The following FYB1 variants were observed in gnomAD, a reference collection of about 807,000 sequenced individuals.
FYB1 encodes the protein FYN binding protein 1.
Under a neutral mutation model 94.1 loss-of-function variants are expected in FYB1, and 41 were observed. That is an observed-to-expected ratio of 0.44 (90% CI 0.34 to 0.57). The LOEUF (loss-of-function observed/expected upper bound fraction) is 0.57, where lower values mean the gene tolerates loss of function less well. Ranked by LOEUF, FYB1 falls within the 20% of genes least tolerant of loss-of-function variation. FYB1 has a pLI of 0.02. For missense variants in FYB1, 1,050 were observed against 976.8 expected (o/e 1.07, Z -1.00); for synonymous variants, 367 against 353.2 (o/e 1.04, Z -0.44).
rs564458164 is a variant in FYB1 at position 39,244,978 on chromosome 5, G to A, written c.-28+29425C>T. 7.2e-5 allele frequency among the ~76,000 whole-genome samples: 11 copies of A among 152,234 alleles called. No individual in the cohort carries two copies. In the East Asian group the frequency reaches 2.1e-3, roughly 29 times the overall value. Reference sequence around the variant, plus strand: ...GGTAGTTTGTATTTCTGTGGGATCGGTGGTGATATCCCCTTTATCATTTTT... The same window carrying A: ...GGTAGTTTGTATTTCTGTGGGATCGATGGTGATATCCCCTTTATCATTTTT... On this transcript the variant is annotated intron_variant, in intron 1 of 1. Transcript: ENST00000510188.
rs1163987076 is a variant in FYB1, at chr5:39,107,453, T to C, written c.2480A>G (p.Asp827Gly). 2 of 1,527,014 alleles carry C rather than the reference T, an allele frequency of 1.3e-6. No individual in the cohort carries two copies. Among genetic ancestry groups the C allele is most frequent in the African/African-American group, 1.4e-5 (1 of 72,304 alleles). 94.6% of individuals were successfully genotyped at this position (1,527,014 alleles called of 1,614,324 possible). A position where few individuals can be genotyped will look rare whatever the true frequency, so the allele number is the denominator to read the frequency against. Residue 827 changes from aspartate (D) to glycine (G), a missense_variant, in exon 19 of 19, where the codon GAC (aspartate) becomes GGC (glycine). By Grantham distance (94) the Asp-to-Gly change is moderately conservative. Transcript: ENST00000512982. ...YDDIADGCIY[D>G]ND ...GACCAAAGTTGAGTGCTAGTCATTG[T>C]CATAGATGCAGCCTGAAAGGAAAAA... is the stretch of plus-strand genomic sequence containing the variant.
At chr5:39,170,412 C>G (rs1184491843) in intron 2 of FYB1, 1 of 508,418 alleles carries the variant, frequency 2.0e-6, no homozygotes, top group Admixed American at 3.4e-5. Context: ...CGTCCTGGGC[C>G]GGACCCCCTC....
chr5:39,110,266 T>C, intron 17 of FYB1, 90 bp downstream of exon 17: 1 of 716,468 alleles, frequency 1.4e-6, no homozygotes, highest in Non-Finnish European at 2.3e-6. Flanking sequence ...GTTGAGTAGG[T>C]TACATTATTT....
chr5:39,218,501 C>T (rs929621983), intron 1 of FYB1, among the ~76,000 whole-genome samples: 1 of 152,116 alleles, frequency 6.6e-6, no homozygotes, highest in Admixed American at 6.5e-5. Context: ...CTGTTTCCCA[C>T]GCAGAATTAT....
Position 39,202,177 on chromosome 5 carries a change from C to G in FYB1, c.784G>C (p.Val262Leu). The G allele has an allele frequency of 6.2e-7, 1 of 1,614,038 alleles. No individual in the cohort carries two copies. The highest frequency in any genetic ancestry group is 1.7e-5 in the Admixed American group (1 of 60,028). ...CTGCTCGCAGCAGGTTTCAAAACCA[C>G]TCCAGGAAAGGGCAAACTTGAAATC... ...GEISSLPFPG[V>L]VLKPAASRGG... The change falls in exon 2 of 19, where the codon GTG (valine) becomes CTG (leucine). Residue 262 changes from valine to leucine, a missense_variant. Transcript: ENST00000512982.
chr5:39,131,057 T>C (rs1321189328), intron 9 of FYB1, among the ~76,000 whole-genome samples: 2 of 152,196 alleles, frequency 1.3e-5, no homozygotes, highest in Non-Finnish European at 2.9e-5. Context: ...CCTAGTCTAA[T>C]AGCAGTCATT....
chr5:39,191,404 T>C (rs1231727152), intron 2 of FYB1, among the ~76,000 whole-genome samples: 1 of 152,210 alleles, frequency 6.6e-6, no homozygotes, highest in Non-Finnish European at 1.5e-5. Context: ...TGGACTGTTA[T>C]AATAAATACA....
rs748990871 is a variant in FYB1, at chr5:39,202,651, C to T, written c.310G>A (p.Glu104Lys). 249 of 1,613,634 alleles carry T rather than the reference C, an allele frequency of 1.5e-4. No homozygotes were observed. Among genetic ancestry groups the T allele is most frequent in the Non-Finnish European group, 2.1e-4 (242 of 1,179,860 alleles). The change falls in exon 2 of 19, where the codon GAG (glutamate) becomes AAG (lysine). Residue 104 changes from glutamate to lysine, a missense_variant. By Grantham distance (56) the Glu-to-Lys change is moderately conservative. Coordinates refer to ENST00000512982, the MANE Select transcript of FYB1 (RefSeq NM_001465.6). ...GGTTTCAGAAATCCCACTTTCGCCT[C>T]GGGGTCTCTGGTGGTCAAGCTGGCT... ...TPASLTTRDP[E>K]AKVGFLKPVG...
intron 1 of FYB1, among the ~76,000 whole-genome samples, chr5:39,264,917 A>C (rs961445551): frequency 2.0e-5 from 3 of 152,318 alleles, no homozygotes; most frequent in Middle Eastern, 3.4e-3. Context: ...TTCAGAGCTC[A>C]GTGCAAGGTA....
chr5:39,137,993 T>C (rs1269616245), intron 6 of FYB1: 3 of 429,158 alleles, frequency 7.0e-6, no homozygotes, highest in African/African-American at 4.1e-5. Flanking sequence ...CCATTCTTGC[T>C]GTATGTTCGC....
intron 2 of FYB1, among the ~76,000 whole-genome samples, chr5:39,168,612 A>T (rs1355237332): frequency 6.6e-6 from 1 of 152,182 alleles, no homozygotes; most frequent in Non-Finnish European, 1.5e-5. Flanking sequence ...TCTAACTATA[A>T]TATCAAACAA....
At chr5:39,113,794 A>T (rs1042407314) in intron 16 of FYB1, among the ~76,000 whole-genome samples, 1 of 152,146 alleles carries the variant, frequency 6.6e-6, no homozygotes, top group African/African-American at 2.4e-5. Context: ...CATATTGCAT[A>T]GATTTACCTA....
chr5:39,198,085 C>T lies in FYB1; in HGVS notation c.1135+3741G>A, dbSNP rs73091048. Among the ~76,000 whole-genome samples, 1,136 of 152,186 alleles carry T rather than the reference C, an allele frequency of 7.5e-3. 13 individuals carry two copies. The highest frequency in any genetic ancestry group is 0.025 in the African/African-American group (1,056 of 41,522). ...AAAAGTAATAAAATTATAGACAATG[C>T]TCACTTATTTTGATACTATTATATG... On this transcript the variant is annotated intron_variant, in intron 2 of 18. Transcript: ENST00000512982.
chr5:39,118,969 C>T lies in FYB1; in HGVS notation c.2306G>A (p.Gly769Glu). ...AGGTTTTACCTGTAGATCTCTGGTT[C>T]CCCACTTTTTAGAAGTTATGGAAGT... ...VTTSITSKKW[G>E]TRDLQVKPGE... Residue 769 changes from glycine (G) to glutamate (E), a missense_variant, in exon 16 of 19, where the codon GGA becomes GAA. Transcript: ENST00000512982. 6.4e-7 allele frequency: 1 copy of T among 1,565,244 alleles called. No homozygotes were observed.
At chr5:39,188,672 C>A (rs1282280108) in intron 2 of FYB1, among the ~76,000 whole-genome samples, 2 of 151,140 alleles carry the variant, frequency 1.3e-5, no homozygotes, top group Admixed American at 6.6e-5. Context: ...GCTGGGGTTA[C>A]AGGCGCCTGC....
intron 1 of FYB1, among the ~76,000 whole-genome samples, chr5:39,267,231 T>C (rs1752471534): frequency 1.3e-5 from 2 of 152,208 alleles, no homozygotes; most frequent in Admixed American, 6.5e-5. Context: ...ATGCATACTT[T>C]GGAAACTATT....
chr5:39,234,570 C>A (rs1351123584), intron 1 of FYB1, among the ~76,000 whole-genome samples: 3 of 152,124 alleles, frequency 2.0e-5, no homozygotes, highest in African/African-American at 7.2e-5. Flanking sequence ...ATAAATCATG[C>A]TACTATAAAG....
At chr5:39,251,663 C>T (rs1468715886) in intron 1 of FYB1, among the ~76,000 whole-genome samples, 1 of 151,596 alleles carries the variant, frequency 6.6e-6, no homozygotes, top group African/African-American at 2.4e-5. Context: ...CAGAAAAATA[C>T]AATTAGAATC....
At chr5:39,144,450 T>C (rs1742461899) in intron 3 of FYB1, among the ~76,000 whole-genome samples, 1 of 152,070 alleles carries the variant, frequency 6.6e-6, no homozygotes, top group Non-Finnish European at 1.5e-5. Context: ...CTTGATATCC[T>C]CAACAAATAA....
Sources: allele counts gnomAD v4.1 joint callset (sites outside exome capture counted in the v4.1 genomes callset), GRCh38; gene constraint gnomAD v4.1.1; transcripts MANE v1.5; gene names NCBI Gene and HGNC (gene_info 2026-07-23, HGNC 2026-07-21).